The following MGMT variants were observed in gnomAD, a reference collection of about 807,000 sequenced individuals.
MGMT encodes the protein O-6-methylguanine-DNA methyltransferase, also known as methylated-DNA--protein-cysteine methyltransferase.
A neutral mutation model predicts 15.9 loss-of-function variants in MGMT; 14 were observed. That is an observed-to-expected ratio of 0.88 (90% confidence interval 0.58 to 1.37). The LOEUF (loss-of-function observed/expected upper bound fraction) is 1.37. Among genes scored for constraint, MGMT ranks in the 40% most tolerant of loss-of-function variants. The pLI, the probability that MGMT is intolerant of heterozygous loss-of-function variation, is 0.00. For missense variants in MGMT, 282 were observed against 268.1 expected (o/e 1.05, Z -0.36); for synonymous variants, 130 against 118.2 (o/e 1.10, Z -0.65).
In MGMT at chr10:129,597,287, G is replaced by A. The variant is rs370485385; in HGVS notation, c.125+60910G>A. Among the ~76,000 whole-genome samples the A allele has an allele frequency of 5.3e-5, 8 of 152,148 alleles. No individual in the cohort carries two copies. The East Asian group carries it at 5.8e-4, about 11-fold the overall frequency. ...AAAAGTTCATCTGGATCTCAACCTCGCGTGAAATTGCAGAGCTACGACTGG... is the reference window on the plus strand; with the variant it reads ...AAAAGTTCATCTGGATCTCAACCTCACGTGAAATTGCAGAGCTACGACTGG... On this transcript the variant is annotated intron_variant, in intron 2 of 4. Coordinates refer to ENST00000651593, the MANE Select transcript of MGMT (RefSeq NM_002412.5).
intron 2 of MGMT, among the ~76,000 whole-genome samples, chr10:129,657,770 C>CCA (rs1847548230): frequency 6.6e-6 from 1 of 151,214 alleles, no homozygotes; most frequent in Admixed American, 6.6e-5. Context: ...GGCCTCTTAG[C>CCA]GTGTGTGGAG....
At chr10:129,548,598 AC>A (rs1169398757) in intron 2 of MGMT, among the ~76,000 whole-genome samples, 1 of 152,230 alleles carries the variant, frequency 6.6e-6, no homozygotes. Context: ...ATATTTTGAG[AC>A]CGTGACACCC....
chr10:129,722,268 T>G (rs191549821), intron 3 of MGMT, among the ~76,000 whole-genome samples: 37 of 152,284 alleles, frequency 2.4e-4, no homozygotes, highest in Non-Finnish European at 5.0e-4. Flanking sequence ...AAAAGTAAAT[T>G]ATAAAACAGT....
At chr10:129,537,586 G>C (rs1368764705) in intron 2 of MGMT, among the ~76,000 whole-genome samples, 1 of 151,642 alleles carries the variant, frequency 6.6e-6, no homozygotes, top group Non-Finnish European at 1.5e-5. Flanking sequence ...TTGGGAAAAA[G>C]GTACAAAGTG....
At chr10:129,526,419 G>A (rs913856972) in intron 1 of MGMT, among the ~76,000 whole-genome samples, 1 of 152,066 alleles carries the variant, frequency 6.6e-6, no homozygotes, top group Non-Finnish European at 1.5e-5. Context: ...CCCCAGGTGA[G>A]CCAATCTCCC....
chr10:129,600,114 TTCTG>T (rs1488481591), intron 2 of MGMT, among the ~76,000 whole-genome samples: 1 of 152,200 alleles, frequency 6.6e-6, no homozygotes, highest in African/African-American at 2.4e-5. Context: ...GGAGTCTAAC[TTCTG>T]TCTAAGTCAG....
intron 2 of MGMT, among the ~76,000 whole-genome samples, chr10:129,562,183 A>C (rs1246223666): frequency 6.6e-6 from 1 of 152,184 alleles, no homozygotes; most frequent in African/African-American, 2.4e-5. Context: ...AAATCCTTCA[A>C]AACACTCCGT....
Position 129,536,340 on chromosome 10 carries a change from G to C in MGMT, c.88G>C (p.Glu30Gln), listed in dbSNP as rs2020893. 7.4e-6 allele frequency: 12 copies of C among 1,614,058 alleles called. No individual in the cohort carries two copies. The East Asian group carries it at 2.7e-4, about 36-fold the overall frequency. The change falls in exon 2 of 5, where the codon GAA becomes CAA. Residue 30 changes from glutamate to glutamine, a missense_variant. Coordinates refer to ENST00000651593, the MANE Select transcript of MGMT (RefSeq NM_002412.5). ...ELSGCEQGLHEIKLLGKGTSA... is the reference protein window; with the variant it reads ...ELSGCEQGLHQIKLLGKGTSA... Reference sequence around the variant, plus strand: ...GTCTGGTTGTGAGCAGGGTCTGCACGAAATAAAGCTCCTGGGCAAGGGGAC... The same window carrying C: ...GTCTGGTTGTGAGCAGGGTCTGCACCAAATAAAGCTCCTGGGCAAGGGGAC...
chr10:129,673,852 G>A (rs1021429853), intron 2 of MGMT, among the ~76,000 whole-genome samples: 19 of 152,044 alleles, frequency 1.2e-4, no homozygotes, highest in Admixed American at 9.2e-4. Flanking sequence ...ATGCTCGTGC[G>A]AAAAAAGTCT....
intron 1 of MGMT, among the ~76,000 whole-genome samples, chr10:129,489,684 C>T (rs999124129): frequency 3.3e-5 from 5 of 152,006 alleles, no homozygotes; most frequent in East Asian, 1.9e-4. Flanking sequence ...GCTTGTGCAC[C>T]TTTTGAAATA....
intron 1 of MGMT, among the ~76,000 whole-genome samples, chr10:129,481,300 C>T (rs1316626748): frequency 6.6e-6 from 1 of 152,166 alleles, no homozygotes; most frequent in Admixed American, 6.5e-5. Context: ...TTTTGTGTTC[C>T]TGGATAAATG....
chr10:129,740,793 AGTGGATGATGGGGGACCTT>A (rs1442449058), intron 3 of MGMT, among the ~76,000 whole-genome samples: 2 of 152,146 alleles, frequency 1.3e-5, no homozygotes, highest in Non-Finnish European at 2.9e-5. Context: ...TCACCTGCAG[AGTGGATGATGGGGGACCTT>A]GAGGACTGAA....
At chr10:129,623,099 T>C (rs1847108177) in intron 2 of MGMT, among the ~76,000 whole-genome samples, 1 of 152,234 alleles carries the variant, frequency 6.6e-6, no homozygotes, top group Non-Finnish European at 1.5e-5. Flanking sequence ...TAGTGGCTGA[T>C]TACTCTGCGT....
At chr10:129,603,444 G>A (rs1167639536) in intron 2 of MGMT, among the ~76,000 whole-genome samples, 1 of 152,220 alleles carries the variant, frequency 6.6e-6, no homozygotes, top group African/African-American at 2.4e-5. Context: ...ACCTGGATAT[G>A]CATAATAATA....
chr10:129,523,558 G>A (rs536903961), intron 1 of MGMT, among the ~76,000 whole-genome samples: 2 of 152,186 alleles, frequency 1.3e-5, no homozygotes, highest in Non-Finnish European at 2.9e-5. Flanking sequence ...GGAGGGCCGG[G>A]CTGCCGACGT....
chr10:129,563,049 C>T (rs79465729), intron 2 of MGMT, among the ~76,000 whole-genome samples: 4,953 of 152,250 alleles, frequency 0.033, 129 homozygotes, highest in South Asian at 0.065. Context: ...AAAATAGGCT[C>T]GTGTTCACTG....
chr10:129,595,542 C>CG lies in MGMT; in HGVS notation c.125+59172dup, dbSNP rs369845651. ...CCAACCTGGGGTCCGTGGTGGTCTT[C>CG]GGGGGGGTCTGACACTACCCAGGGT... On this transcript the variant is annotated intron_variant, in intron 2 of 4. Coordinates refer to ENST00000651593, the MANE Select transcript of MGMT (RefSeq NM_002412.5). 2.4e-3 allele frequency among the ~76,000 whole-genome samples: 366 copies of CG among 152,024 alleles called. 1 individual carries two copies. The highest frequency in any genetic ancestry group is 8.2e-3 in the African/African-American group (339 of 41,458).
intron 2 of MGMT, among the ~76,000 whole-genome samples, chr10:129,632,588 C>T (rs562670428): frequency 3.0e-4 from 45 of 152,324 alleles, no homozygotes; most frequent in Admixed American, 1.6e-3. Context: ...ATGCTGCGTA[C>T]GTGTCAGGCA....
chr10:129,501,232 C>A (rs1417986275), intron 1 of MGMT, among the ~76,000 whole-genome samples: 1 of 152,214 alleles, frequency 6.6e-6, no homozygotes, highest in African/African-American at 2.4e-5. Context: ...AAGTTGCCCC[C>A]TCTTCCCTCT....
Sources: allele counts gnomAD v4.1 joint callset (sites outside exome capture counted in the v4.1 genomes callset), GRCh38; gene constraint gnomAD v4.1.1; transcripts MANE v1.5; gene names NCBI Gene and HGNC (gene_info 2026-07-23, HGNC 2026-07-21).